PSMC6: variants seen among roughly 807,000 people sequenced by gnomAD.
PSMC6 encodes the protein 26S proteasome regulatory subunit 10B.
Under a neutral mutation model 55.9 loss-of-function variants are expected in PSMC6, and 3 were observed. That is an observed-to-expected ratio of 0.05 (90% confidence interval 0.02 to 0.14). The LOEUF is 0.14. PSMC6 is among the 10% of genes least tolerant of loss of function. The pLI, the probability that PSMC6 is intolerant of heterozygous loss-of-function variation, is 1.00. For synonymous variants in PSMC6, 137 were observed against 155.9 expected (o/e 0.88, Z 0.90); for missense variants, 210 against 478.7 (o/e 0.44, Z 5.24).
intron 12 of PSMC6, chr14:52,722,461 C>T (rs1474040424): frequency 6.6e-6 from 1 of 151,074 alleles, no homozygotes; most frequent in Non-Finnish European, 1.5e-5. Context: ...AGGGATTGGC[C>T]CTATATATAT....
At position 52,718,084 on chromosome 14, in the gene PSMC6, C is replaced by T. The variant is rs756217809; in HGVS notation, c.533C>T (p.Thr178Met). 3 of 1,612,548 alleles carry T rather than the reference C, an allele frequency of 1.9e-6. No individual in the cohort carries two copies. Among genetic ancestry groups the T allele is most frequent in the South Asian group, 1.1e-5 (1 of 91,002 alleles). The change falls in exon 8 of 14, where the codon ACG becomes ATG. Residue 178 changes from threonine (T) to methionine (M), a missense_variant. Thr to Met is a moderately conservative substitution (Grantham distance 81). Coordinates refer to ENST00000445930, the MANE Select transcript of PSMC6 (RefSeq NM_002806.5). Reference protein sequence around the residue: ...KGCLLYGPPGTGKTLLARAVA... With the variant: ...KGCLLYGPPGMGKTLLARAVA... ...AGACTTCTTTTGTCATTCTTAGGTA[C>T]GGGAAAAACACTCTTGGCACGAGCC...
chr14:52,723,065 A>G (rs117765871), intron 12 of PSMC6: 1 of 152,228 alleles, frequency 6.6e-6, no homozygotes, highest in Non-Finnish European at 1.5e-5. Context: ...GAAAGACCGA[A>G]CTGAACAAAG....
Position 52,718,368 on chromosome 14 carries a change from T to C in PSMC6, c.715+16T>C. 1 of 1,598,994 alleles carries C rather than the reference T, an allele frequency of 6.3e-7. No individual in the cohort carries two copies. The highest frequency in any genetic ancestry group is 8.5e-7 in the Non-Finnish European group (1 of 1,174,494). The stretch of plus-strand genomic sequence containing the variant: ...GATGCTATTGGTAAGAATAACACCC[T>C]TGTTGAAAGTTTTAGGACTTTTTTT... On this transcript the variant is annotated intron_variant, in intron 9 of 13. Coordinates refer to ENST00000445930, the MANE Select transcript of PSMC6 (RefSeq NM_002806.5).
intron 13 of PSMC6, among the ~76,000 whole-genome samples, chr14:52,727,073 T>A (rs1283901399): frequency 7.5e-6 from 1 of 134,198 alleles, no homozygotes; most frequent in Non-Finnish European, 1.5e-5. Context: ...CAGGCTGGAG[T>A]GCAGTGCCAC....
At position 52,727,074 on chromosome 14, in the gene PSMC6, G is replaced by A. The variant is rs1243063267; in HGVS notation, c.1052-425G>A. Among the ~76,000 whole-genome samples the A allele has an allele frequency of 3.0e-5, 4 of 133,790 alleles. No homozygotes were observed. The Admixed American group carries it at 3.4e-4, about 11-fold the overall frequency. The allele number at this position is 133,790 out of a possible 152,430, so 87.8% of individuals were successfully genotyped here. On this transcript the variant is annotated intron_variant, in intron 13 of 13. Transcript: ENST00000445930. ...TCTCGCTCTGTTGCCAGGCTGGAGT[G>A]CAGTGCCACTATCTCAGCTCACTGC...
chr14:52,712,536 T>C (rs1383349529), intron 6 of PSMC6, among the ~76,000 whole-genome samples: 1 of 152,194 alleles, frequency 6.6e-6, no homozygotes, highest in Admixed American at 6.5e-5. Flanking sequence ...CAGTATCCTT[T>C]ACTGTCTGCA....
At chr14:52,709,594 G>C (rs950572127) in intron 4 of PSMC6, 1 of 455,896 alleles carries the variant, frequency 2.2e-6, no homozygotes, top group African/African-American at 2.0e-5. Context: ...GATGCCGAAA[G>C]TTGGCATTTC....
intron 7 of PSMC6, among the ~76,000 whole-genome samples, chr14:52,717,739 C>T (rs998315751): frequency 5.5e-4 from 84 of 151,758 alleles, no homozygotes; most frequent in African/African-American, 2.0e-3. Context: ...TCACATAGGC[C>T]GGGTGCGGTG....
At chr14:52,709,636 T>A (rs1253702703) in intron 4 of PSMC6, 7 of 452,182 alleles carry the variant, frequency 1.5e-5, no homozygotes, top group Non-Finnish European at 2.7e-5. Context: ...AGGACAAGAC[T>A]GTATTTGAAG....
intron 7 of PSMC6, among the ~76,000 whole-genome samples, chr14:52,716,050 T>A (rs1292551062): frequency 6.6e-6 from 1 of 152,210 alleles, no homozygotes; most frequent in African/African-American, 2.4e-5. Context: ...ACCAGTAGTT[T>A]CCAAATAATC....
chr14:52,709,024 T>C lies in PSMC6; in HGVS notation c.258+208T>C, dbSNP rs1460204002. ...ATTCCGTACTTTCTACTGTATTACA[T>C]TGTCTCAGTCAGATCTGTTAATAGC... On this transcript the variant is annotated intron_variant, in intron 4 of 13. Coordinates refer to ENST00000445930, the MANE Select transcript of PSMC6 (RefSeq NM_002806.5). 7.3e-6 allele frequency: 4 copies of C among 548,098 alleles called. No individual in the cohort carries two copies. The East Asian group carries it at 1.5e-4, about 21-fold the overall frequency. The allele number at this position is 548,098 out of a possible 1,614,324, so 34.0% of individuals were successfully genotyped here. A position where few individuals can be genotyped will look rare whatever the true frequency, so the allele number is the denominator to read the frequency against.
At chr14:52,727,287 C>G (rs1299556573) in intron 13 of PSMC6, among the ~76,000 whole-genome samples, 1 of 151,888 alleles carries the variant, frequency 6.6e-6, no homozygotes, top group Non-Finnish European at 1.5e-5. Flanking sequence ...TCTTGGCCTC[C>G]CAAAGTGTTG....
rs760441508 is a variant in PSMC6 at position 52,707,297 on chromosome 14, T to A, written c.78T>A (p.Leu26=). ...LLEHKEIDGR[L]KELREQLKEL... is the part of the protein sequence containing the mutation. ...AACACAAGGAGATCGACGGCCGTCT[T>A]AAGGAGTGTGAGTGCACCTTTCTTT... Residue 26 remains leucine (L), a synonymous_variant, in exon 1 of 14, where the codon CTT becomes CTA. Coordinates refer to ENST00000445930, the MANE Select transcript of PSMC6 (RefSeq NM_002806.5). 1.1e-5 allele frequency: 18 copies of A among 1,614,060 alleles called. No individual in the cohort carries two copies. Among genetic ancestry groups the A allele is most frequent in the Non-Finnish European group, 1.4e-5 (17 of 1,180,026 alleles).
intron 7 of PSMC6, among the ~76,000 whole-genome samples, chr14:52,714,344 G>A (rs935195319): frequency 6.6e-6 from 1 of 152,122 alleles, no homozygotes; most frequent in Non-Finnish European, 1.5e-5. Flanking sequence ...CTGGCCATAA[G>A]GTGGAAATTT....
At chr14:52,726,632 G>A (rs1168832045) in intron 13 of PSMC6, among the ~76,000 whole-genome samples, 1 of 151,972 alleles carries the variant, frequency 6.6e-6, no homozygotes, top group Non-Finnish European at 1.5e-5. Flanking sequence ...GACCATTTAA[G>A]CCTGATTTTA....
intron 7 of PSMC6, among the ~76,000 whole-genome samples, chr14:52,717,396 G>A (rs1481891761): frequency 1.4e-5 from 2 of 144,618 alleles, no homozygotes; most frequent in Admixed American, 1.4e-4. Flanking sequence ...GTGCAGTGGC[G>A]AGATTATAAG....
chr14:52,719,823 TAG>T (rs1365032728), intron 10 of PSMC6, among the ~76,000 whole-genome samples: 1 of 152,242 alleles, frequency 6.6e-6, no homozygotes, highest in Non-Finnish European at 1.5e-5. Context: ...AGCTATATTT[TAG>T]AGAGTTTGTT....
chr14:52,710,008 G>T (rs2139836457), intron 4 of PSMC6: 1 of 154,700 alleles, frequency 6.5e-6, no homozygotes, highest in Non-Finnish European at 1.4e-5. Context: ...TTCCTTAATT[G>T]TTATATTAAT....
intron 1 of PSMC6, 92 bp from the exon 2 acceptor site, chr14:52,708,217 G>T: frequency 1.8e-6 from 2 of 1,083,652 alleles, no homozygotes; most frequent in Non-Finnish European, 2.7e-6. Flanking sequence ...GTAAAGTGAA[G>T]TAGACTTACG....
Sources: allele counts gnomAD v4.1 joint callset (sites outside exome capture counted in the v4.1 genomes callset), GRCh38; gene constraint gnomAD v4.1.1; transcripts MANE v1.5; gene names NCBI Gene and HGNC (gene_info 2026-07-23, HGNC 2026-07-21).